Variants in KLF12 observed in about 807,000 individuals in gnomAD.
KLF12 encodes Krueppel-like factor 12.
KLF12 carries 9 observed loss-of-function variants against 37.8 expected under a neutral mutation model. The observed-to-expected ratio is 0.24, with a 90% CI of 0.14 to 0.42. The LOEUF (loss-of-function observed/expected upper bound fraction) is 0.42, where lower values mean the gene tolerates loss of function less well. Ranked by LOEUF, KLF12 falls within the 10% of genes least tolerant of loss-of-function variation. KLF12 has a pLI of 1.00. For missense variants in KLF12, 411 were observed against 516.0 expected, an observed-to-expected ratio of 0.80 and a Z score of 1.97; for synonymous variants, 208 against 202.1, an observed-to-expected ratio of 1.03 and a Z score of -0.25.
intron 3 of KLF12, among the ~76,000 whole-genome samples, chr13:73,886,338 T>G (rs1351735374): frequency 6.6e-6 from 1 of 152,208 alleles, no homozygotes; most frequent in Non-Finnish European, 1.5e-5. Context: ...TAATTCTGCA[T>G]GAATCTGTGC....
the KLF12 span, among the ~76,000 whole-genome samples, chr13:74,153,189 A>C: frequency 1.3e-5 from 2 of 152,118 alleles, no homozygotes; most frequent in Non-Finnish European, 2.9e-5. Context: ...AGTCTTCTTG[A>C]CAGTGGCAGT....
At chr13:74,047,435 C>CA (rs11378919) in intron 1 of KLF12, among the ~76,000 whole-genome samples, 101,063 of 146,050 alleles carry the variant, frequency 0.69, 34,889 homozygotes, top group East Asian at 0.85. Context: ...ACTAAAAATA[C>CA]AAAAAAAAAA....
At chr13:74,199,374 G>A in the KLF12 span, among the ~76,000 whole-genome samples, 9,239 of 152,200 alleles carry the variant, frequency 0.061, 871 homozygotes, top group African/African-American at 0.21. Flanking sequence ...GCTTGAGAGC[G>A]AAATTAGATA....
intron 1 of KLF12, among the ~76,000 whole-genome samples, chr13:74,115,435 T>C (rs1295286566): frequency 6.6e-6 from 1 of 152,146 alleles, no homozygotes; most frequent in Non-Finnish European, 1.5e-5. Flanking sequence ...CCGGGCATGG[T>C]GGTTCACTCC....
At chr13:73,758,621 G>T (rs934080286) in intron 6 of KLF12, among the ~76,000 whole-genome samples, 11 of 152,100 alleles carry the variant, frequency 7.2e-5, no homozygotes, top group African/African-American at 2.7e-4. Flanking sequence ...CTGAGCCGCA[G>T]GTTGATAAAC....
chr13:74,139,189 G>C, the KLF12 span, among the ~76,000 whole-genome samples: 89 of 152,300 alleles, frequency 5.8e-4, no homozygotes, highest in Admixed American at 2.5e-3. Flanking sequence ...GCCCAAGTAA[G>C]CATCCAATAA....
chr13:74,134,271 AG>A (rs1447883386), upstream of KLF12, among the ~76,000 whole-genome samples: 1 of 151,710 alleles, frequency 6.6e-6, no homozygotes, highest in Non-Finnish European at 1.5e-5. Flanking sequence ...GCTGCCGGCG[AG>A]CCCCGGGGTG....
At chr13:73,733,866 T>C (rs1877250509) in intron 6 of KLF12, among the ~76,000 whole-genome samples, 2 of 152,174 alleles carry the variant, frequency 1.3e-5, no homozygotes, top group African/African-American at 4.8e-5. Context: ...AGCTGTGAAG[T>C]GGTCGCTCAC....
At chr13:73,965,068 T>A (rs988534231) in intron 2 of KLF12, among the ~76,000 whole-genome samples, 2 of 152,096 alleles carry the variant, frequency 1.3e-5, no homozygotes, top group African/African-American at 4.8e-5. Flanking sequence ...GGGATGCACA[T>A]CTCAGGTACA....
chr13:74,177,056 C>T, the KLF12 span, among the ~76,000 whole-genome samples: 4 of 152,176 alleles, frequency 2.6e-5, no homozygotes, highest in Admixed American at 1.3e-4. Flanking sequence ...TTGATCTTCT[C>T]TAACAGTGCA....
chr13:73,965,516 A>C (rs959096730), intron 2 of KLF12, among the ~76,000 whole-genome samples: 6 of 152,138 alleles, frequency 3.9e-5, no homozygotes, highest in African/African-American at 1.4e-4. Flanking sequence ...TGGGTGGGGA[A>C]TCTGGCTGTC....
At chr13:74,158,913 A>G in the KLF12 span, among the ~76,000 whole-genome samples, 1 of 152,188 alleles carries the variant, frequency 6.6e-6, no homozygotes, top group African/African-American at 2.4e-5. Flanking sequence ...TTAATTCACA[A>G]AGATTTTGTA....
chr13:73,704,117 C>T (rs1874750057), intron 7 of KLF12, among the ~76,000 whole-genome samples: 1 of 152,090 alleles, frequency 6.6e-6, no homozygotes, highest in South Asian at 2.1e-4. Context: ...TCTTCCTTTA[C>T]CTGTTGCATA....
At chr13:74,019,967 G>A (rs556836107) in intron 1 of KLF12, among the ~76,000 whole-genome samples, 12 of 152,264 alleles carry the variant, frequency 7.9e-5, no homozygotes, top group South Asian at 4.1e-4. Flanking sequence ...TGTTGTGAGG[G>A]GACTGAAATC....
chr13:73,860,239 C>T (rs1239724986), intron 3 of KLF12, among the ~76,000 whole-genome samples: 1 of 152,214 alleles, frequency 6.6e-6, no homozygotes, highest in African/African-American at 2.4e-5. Context: ...TTAGATGCCA[C>T]TCTTCTGTGC....
At chr13:73,901,336 A>G (rs1167761354) in intron 3 of KLF12, among the ~76,000 whole-genome samples, 2 of 152,196 alleles carry the variant, frequency 1.3e-5, no homozygotes, top group South Asian at 4.1e-4. Flanking sequence ...CAGTCTGTAG[A>G]ACAGGCAGTC....
chr13:74,004,083 A>G (rs984996366), intron 1 of KLF12, among the ~76,000 whole-genome samples: 2 of 152,198 alleles, frequency 1.3e-5, no homozygotes, highest in African/African-American at 2.4e-5. Flanking sequence ...ATTTAAATAT[A>G]GTATCATTCA....
At chr13:73,777,880 C>A (rs549906180) in intron 5 of KLF12, among the ~76,000 whole-genome samples, 1 of 151,902 alleles carries the variant, frequency 6.6e-6, no homozygotes, top group Admixed American at 6.6e-5. Flanking sequence ...GCATGTAATC[C>A]CAGCACCTTG....
intron 3 of KLF12, among the ~76,000 whole-genome samples, chr13:73,913,252 G>A (rs934122558): frequency 5.9e-5 from 9 of 152,070 alleles, no homozygotes; most frequent in African/African-American, 1.9e-4. Flanking sequence ...CTCCTTACAC[G>A]TCACTTAGTC....
Sources: allele counts gnomAD v4.1 joint callset (sites outside exome capture counted in the v4.1 genomes callset), GRCh38; gene constraint gnomAD v4.1.1; transcripts MANE v1.5; gene names NCBI Gene and HGNC (gene_info 2026-07-23, HGNC 2026-07-21).